Variants in ZFPM2 observed in about 807,000 individuals in gnomAD.
ZFPM2 encodes zinc finger protein, FOG family member 2.
ZFPM2 carries 20 observed loss-of-function variants against 98.6 expected under a neutral mutation model. The observed-to-expected ratio is 0.20, with a 90% CI of 0.14 to 0.29. The LOEUF (loss-of-function observed/expected upper bound fraction) is 0.29. ZFPM2 is among the 10% of genes least tolerant of loss of function. The pLI, the probability that ZFPM2 is intolerant of heterozygous loss-of-function variation, is 1.00. For missense variants in ZFPM2, 1,310 were observed against 1,388.6 expected (o/e 0.94, Z 0.90); for synonymous variants, 518 against 502.7 (o/e 1.03, Z -0.41).
chr8:105,422,614 T>G (rs1811818510), intron 2 of ZFPM2, among the ~76,000 whole-genome samples: 1 of 152,156 alleles, frequency 6.6e-6, no homozygotes, highest in South Asian at 2.1e-4. Flanking sequence ...ATTTACCTGT[T>G]ACCTAGTTAA....
At chr8:105,609,030 A>G (rs1212867562) in intron 4 of ZFPM2, among the ~76,000 whole-genome samples, 1 of 152,168 alleles carries the variant, frequency 6.6e-6, no homozygotes, top group African/African-American at 2.4e-5. Context: ...CAAATGAAAT[A>G]GAAGCAAATG....
chr8:105,535,405 T>C (rs1814428156), intron 3 of ZFPM2, among the ~76,000 whole-genome samples: 1 of 152,136 alleles, frequency 6.6e-6, no homozygotes, highest in Admixed American at 6.6e-5. Context: ...TAAACCCAAA[T>C]ATCAGCAGAG....
At chr8:105,754,945 TATGTG>T (rs1812563388) in intron 5 of ZFPM2, among the ~76,000 whole-genome samples, 1 of 125,826 alleles carries the variant, frequency 7.9e-6, no homozygotes, top group Non-Finnish European at 1.6e-5. Flanking sequence ...AGAAATTTAA[TATGTG>T]TGTGTGTGTG....
At chr8:105,332,174 CA>C (rs1194595610) in intron 1 of ZFPM2, among the ~76,000 whole-genome samples, 1 of 151,744 alleles carries the variant, frequency 6.6e-6, no homozygotes, top group Non-Finnish European at 1.5e-5. Flanking sequence ...CTTCTTACTT[CA>C]CATGTCAATT....
intron 3 of ZFPM2, among the ~76,000 whole-genome samples, chr8:105,502,201 G>A (rs901874019): frequency 7.7e-6 from 1 of 130,300 alleles, no homozygotes; most frequent in Non-Finnish European, 1.6e-5. Context: ...AAATTATTTT[G>A]AGGATAAGTT....
intron 5 of ZFPM2, among the ~76,000 whole-genome samples, chr8:105,746,145 G>A (rs1812338066): frequency 6.6e-6 from 1 of 151,506 alleles, no homozygotes; most frequent in African/African-American, 2.4e-5. Context: ...CTCCCCTTTG[G>A]AGTGTCTGGG....
At chr8:105,627,638 A>G (rs1449770616) in intron 4 of ZFPM2, among the ~76,000 whole-genome samples, 1 of 152,208 alleles carries the variant, frequency 6.6e-6, no homozygotes, top group Non-Finnish European at 1.5e-5. Flanking sequence ...CCCTAATACT[A>G]CAACAGCTTT....
At chr8:105,556,611 C>T (rs1446161348) in intron 3 of ZFPM2, among the ~76,000 whole-genome samples, 4 of 152,036 alleles carry the variant, frequency 2.6e-5, no homozygotes, top group Non-Finnish European at 5.9e-5. Flanking sequence ...TTACAAAACT[C>T]CTTTCACTCC....
chr8:105,572,577 C>T (rs1815381335), intron 4 of ZFPM2, among the ~76,000 whole-genome samples: 1 of 152,112 alleles, frequency 6.6e-6, no homozygotes, highest in African/African-American at 2.4e-5. Context: ...AAGCAACTCT[C>T]CTGCCTCAGC....
In ZFPM2 at chr8:105,768,092, CTCTCTCTCTCTCTCTT is replaced by C. The variant is rs774708433; in HGVS notation, c.533-20610_533-20595del. The stretch of plus-strand genomic sequence containing the variant: ...AGGGAACAAACACATATTCCTCTCT[CTCTCTCTCTCTCTCTT>C]TCTCTCTCTCTCTCTCCGTCTCTCT... On this transcript the variant is annotated intron_variant, in intron 5 of 7. Coordinates refer to ENST00000407775, the MANE Select transcript of ZFPM2 (RefSeq NM_012082.4). Among the ~76,000 whole-genome samples the C allele has an allele frequency of 2.6e-3, 401 of 151,504 alleles. 1 individual carries two copies. The highest frequency in any genetic ancestry group is 8.4e-3 in the African/African-American group (345 of 41,282).
chr8:105,501,491 ACTTTT>A (rs1813595081), intron 3 of ZFPM2, among the ~76,000 whole-genome samples: 1 of 137,708 alleles, frequency 7.3e-6, no homozygotes, highest in Non-Finnish European at 1.6e-5. Context: ...AGCTCAATTT[ACTTTT>A]CTTTTTTTTT....
chr8:105,674,743 A>C (rs2130910530), intron 5 of ZFPM2, among the ~76,000 whole-genome samples: 1 of 152,266 alleles, frequency 6.6e-6, no homozygotes, highest in South Asian at 2.1e-4. Flanking sequence ...TGTCAAGAAG[A>C]GGATATAAAA....
At chr8:105,641,779 A>T (rs1816952776) in intron 5 of ZFPM2, among the ~76,000 whole-genome samples, 1 of 152,146 alleles carries the variant, frequency 6.6e-6, no homozygotes, top group Non-Finnish European at 1.5e-5. Context: ...TTATATCAGC[A>T]TCACTGTGAG....
chr8:105,386,487 G>T (rs549789200), intron 1 of ZFPM2, among the ~76,000 whole-genome samples: 6 of 152,168 alleles, frequency 3.9e-5, no homozygotes, highest in Non-Finnish European at 8.8e-5. Context: ...TGTGTCTGGA[G>T]TTTGTTCCTT....
chr8:105,490,934 TACTATTGAAATAAAATG>T (rs1813344557), intron 3 of ZFPM2, among the ~76,000 whole-genome samples: 1 of 152,210 alleles, frequency 6.6e-6, no homozygotes, highest in Non-Finnish European at 1.5e-5. Flanking sequence ...CTCAAAATTT[TACTATTGAAATAAAATG>T]ATAATTTTAA....
At chr8:105,502,209 G>GT (rs139999825) in intron 3 of ZFPM2, among the ~76,000 whole-genome samples, 1 of 151,752 alleles carries the variant, frequency 6.6e-6, no homozygotes, top group Non-Finnish European at 1.5e-5. Context: ...TTGAGGATAA[G>GT]TTTTTTTTAA....
chr8:105,567,403 C>G (rs1389507736), intron 4 of ZFPM2, among the ~76,000 whole-genome samples: 1 of 152,172 alleles, frequency 6.6e-6, no homozygotes, highest in East Asian at 1.9e-4. Flanking sequence ...ACTAACACCT[C>G]CGCTTCCCTT....
At chr8:105,643,314 C>G (rs1816980865) in intron 5 of ZFPM2, among the ~76,000 whole-genome samples, 1 of 152,108 alleles carries the variant, frequency 6.6e-6, no homozygotes, top group East Asian at 1.9e-4. Context: ...ACTGCATCAC[C>G]ATCGTTTTCC....
intron 5 of ZFPM2, among the ~76,000 whole-genome samples, chr8:105,763,913 A>T (rs1586246898): frequency 6.6e-6 from 1 of 151,850 alleles, no homozygotes. Context: ...TGTAGAGCCT[A>T]CCTACCCAGC....
Sources: allele counts gnomAD v4.1 joint callset (sites outside exome capture counted in the v4.1 genomes callset), GRCh38; gene constraint gnomAD v4.1.1; transcripts MANE v1.5; gene names NCBI Gene and HGNC (gene_info 2026-07-23, HGNC 2026-07-21).